The following DCDC1 variants were observed in gnomAD, a reference collection of about 807,000 sequenced individuals.
DCDC1 encodes doublecortin domain containing 1.
In DCDC1, 200 loss-of-function variants were observed where a neutral mutation model predicts 178.3. The ratio of observed to expected loss-of-function variants is 1.12; its 90% CI spans 1.00 to 1.26. The LOEUF (loss-of-function observed/expected upper bound fraction) is 1.26, where lower values mean the gene tolerates loss of function less well. DCDC1 is among the 50% of genes most tolerant of loss of function. The probability of loss-of-function intolerance (pLI) is 0.00; values close to 1 mark genes in which losing one functional copy is unlikely to be tolerated. For missense variants in DCDC1, 1,983 were observed against 1,749.2 expected, an observed-to-expected ratio of 1.13 and a Z score of -2.38; for synonymous variants, 690 against 604.8, an observed-to-expected ratio of 1.14 and a Z score of -2.07.
intron 20 of DCDC1, among the ~76,000 whole-genome samples, chr11:30,967,277 C>A (rs1019259285): frequency 4.1e-5 from 6 of 147,730 alleles, no homozygotes; most frequent in Admixed American, 1.4e-4. Context: ...CTTTTATTTC[C>A]TTCAGCAGTG....
At chr11:30,956,525 A>G (rs965219494) in intron 20 of DCDC1, among the ~76,000 whole-genome samples, 1 of 152,214 alleles carries the variant, frequency 6.6e-6, no homozygotes, top group Non-Finnish European at 1.5e-5. Context: ...TATAGTTCAC[A>G]TATCCAGTTC....
At chr11:31,070,630 A>C (rs1956500135) in intron 18 of DCDC1, among the ~76,000 whole-genome samples, 1 of 152,192 alleles carries the variant, frequency 6.6e-6, no homozygotes, top group African/African-American at 2.4e-5. Context: ...ATAACAGAGA[A>C]GTTTTCCCAC....
intron 13 of DCDC1, among the ~76,000 whole-genome samples, chr11:31,104,084 A>G (rs1433983612): frequency 6.6e-6 from 1 of 152,202 alleles, no homozygotes; most frequent in Non-Finnish European, 1.5e-5. Context: ...TTTTCCATGT[A>G]TAACAGTAAT....
chr11:31,035,602 TG>T (rs1953974799), intron 20 of DCDC1, among the ~76,000 whole-genome samples: 1 of 152,246 alleles, frequency 6.6e-6, no homozygotes. Flanking sequence ...CATGCTGAAA[TG>T]TTTTATCACC....
intron 9 of DCDC1, among the ~76,000 whole-genome samples, chr11:31,169,786 G>A (rs1966983592): frequency 6.6e-6 from 1 of 152,168 alleles, no homozygotes; most frequent in Non-Finnish European, 1.5e-5. Context: ...TAAGAGAAAT[G>A]TACACAAATC....
chr11:30,888,032 GAGAAAGAAAGAA>G (rs1276190350), intron 36 of DCDC1, among the ~76,000 whole-genome samples: 8 of 111,476 alleles, frequency 7.2e-5, no homozygotes, highest in East Asian at 2.5e-4. Flanking sequence ...GAGAGAGAGA[GAGAAAGAAAGAA>G]AGAAAGAAAG....
At chr11:31,330,829 C>T (rs910514669) in intron 2 of DCDC1, among the ~76,000 whole-genome samples, 7 of 152,192 alleles carry the variant, frequency 4.6e-5, no homozygotes, top group South Asian at 2.1e-4. Context: ...AGTCAGGTAG[C>T]GTAATGTCTC....
At chr11:31,275,688 G>T (rs1008607349) in intron 7 of DCDC1, among the ~76,000 whole-genome samples, 7 of 152,092 alleles carry the variant, frequency 4.6e-5, no homozygotes, top group Non-Finnish European at 1.0e-4. Context: ...ATTTTTAGTA[G>T]AGACAGGGTT....
intron 8 of DCDC1, among the ~76,000 whole-genome samples, chr11:31,249,539 T>C (rs1943819866): frequency 6.6e-6 from 1 of 152,152 alleles, no homozygotes; most frequent in Non-Finnish European, 1.5e-5. Flanking sequence ...CTGAGGACCA[T>C]GTCTAAGAAA....
At chr11:30,909,639 A>G (rs896323050) in intron 28 of DCDC1, among the ~76,000 whole-genome samples, 12 of 152,130 alleles carry the variant, frequency 7.9e-5, no homozygotes, top group African/African-American at 2.7e-4. Flanking sequence ...ACTTGTGCCA[A>G]TAATATACTA....
intron 1 of DCDC1, among the ~76,000 whole-genome samples, chr11:31,359,566 C>A (rs1380457275): frequency 6.6e-6 from 1 of 151,888 alleles, no homozygotes; most frequent in Non-Finnish European, 1.5e-5. Flanking sequence ...CACATGTACC[C>A]TAAAACTTAA....
intron 20 of DCDC1, among the ~76,000 whole-genome samples, chr11:30,964,628 G>T (rs1489005081): frequency 6.6e-6 from 1 of 152,088 alleles, no homozygotes; most frequent in Non-Finnish European, 1.5e-5. Flanking sequence ...TGTGAATGAT[G>T]ATTTGTTTTC....
intron 10 of DCDC1, among the ~76,000 whole-genome samples, chr11:31,134,606 C>T (rs1438433631): frequency 6.6e-6 from 1 of 152,194 alleles, no homozygotes; most frequent in Non-Finnish European, 1.5e-5. Context: ...TAATAACATT[C>T]TACACATTTA....
intron 1 of DCDC1, among the ~76,000 whole-genome samples, chr11:31,352,181 CA>C (rs1454567273): frequency 2.0e-5 from 3 of 152,030 alleles, no homozygotes; most frequent in Non-Finnish European, 2.9e-5. Context: ...CGTAAGGTAA[CA>C]AAACAGTGCT....
chr11:31,149,707 T>C (rs1223276987), intron 9 of DCDC1, among the ~76,000 whole-genome samples: 4 of 146,532 alleles, frequency 2.7e-5, no homozygotes, highest in African/African-American at 5.1e-5. Flanking sequence ...AACAAACAAC[T>C]CCAGATGCGC....
intron 18 of DCDC1, among the ~76,000 whole-genome samples, chr11:31,068,785 G>A (rs1020424162): frequency 6.6e-6 from 1 of 151,714 alleles, no homozygotes; most frequent in African/African-American, 2.4e-5. Context: ...CAAAAAGCAT[G>A]CTATTAGTGA....
chr11:30,996,711 T>G (rs1377767371), intron 20 of DCDC1, among the ~76,000 whole-genome samples: 3 of 152,198 alleles, frequency 2.0e-5, no homozygotes, highest in African/African-American at 7.2e-5. Flanking sequence ...TGCCTTGATC[T>G]TGGACTTCCC....
At chr11:31,107,170 G>A (rs538882456) in intron 12 of DCDC1, among the ~76,000 whole-genome samples, 1 of 152,140 alleles carries the variant, frequency 6.6e-6, no homozygotes, top group Admixed American at 6.6e-5. Flanking sequence ...TAACCAGCAG[G>A]GGGGGCCACA....
At chr11:30,907,412 C>T (rs896248745) in intron 29 of DCDC1, among the ~76,000 whole-genome samples, 6 of 152,160 alleles carry the variant, frequency 3.9e-5, no homozygotes, top group African/African-American at 1.4e-4. Context: ...GTCCTCCAAT[C>T]GGGAAGTACG....
Sources: allele counts gnomAD v4.1 joint callset (sites outside exome capture counted in the v4.1 genomes callset), GRCh38; gene constraint gnomAD v4.1.1; transcripts MANE v1.5; gene names NCBI Gene and HGNC (gene_info 2026-07-23, HGNC 2026-07-21).